Variants in CASD1 observed in about 807,000 individuals in gnomAD.
The protein encoded by CASD1 is N-acetylneuraminate (7)9-O-acetyltransferase.
Under a neutral mutation model 100.0 loss-of-function variants are expected in CASD1, and 41 were observed. The observed-to-expected ratio is 0.41, with a 90% CI of 0.32 to 0.53. The LOEUF (loss-of-function observed/expected upper bound fraction) is 0.53. Ranked by LOEUF, CASD1 falls within the 20% of genes least tolerant of loss-of-function variation. CASD1 has a pLI of 0.25. For synonymous variants in CASD1, 321 were observed against 315.6 expected (o/e 1.02, Z -0.18); for missense variants, 774 against 948.7 (o/e 0.82, Z 2.42).
chr7:94,527,092 A>C (rs1794609593), intron 3 of CASD1, 70 bp from the exon 4 acceptor site: 25 of 1,112,410 alleles, frequency 2.2e-5, no homozygotes, highest in Non-Finnish European at 3.4e-5. Flanking sequence ...AAATCAAAGC[A>C]GCTAAATGGG....
the CASD1 span, among the ~76,000 whole-genome samples, chr7:94,583,183 C>T: frequency 1.3e-5 from 2 of 152,114 alleles, no homozygotes; most frequent in African/African-American, 2.4e-5. Flanking sequence ...CAAATTTAGC[C>T]TTAATAGCTT....
At chr7:94,557,250 G>A (rs1796240388), downstream of CASD1, among the ~76,000 whole-genome samples, 1 of 151,962 alleles carries the variant, frequency 6.6e-6, no homozygotes, top group African/African-American at 2.4e-5. Context: ...TATTTATTTA[G>A]CACTGGATTT....
chr7:94,608,553 G>T, the CASD1 span, among the ~76,000 whole-genome samples: 1 of 152,112 alleles, frequency 6.6e-6, no homozygotes. Context: ...AAGTTAATTT[G>T]CAGATATTAA....
At chr7:94,626,636 T>G in the CASD1 span, 7 of 152,132 alleles carry the variant, frequency 4.6e-5, no homozygotes, top group African/African-American at 1.4e-4. Flanking sequence ...TTTATATCAT[T>G]GATGGTTTCC....
chr7:94,551,853 C>G lies in CASD1; in HGVS notation c.1956+375C>G, dbSNP rs1022731916. On this transcript the variant is annotated intron_variant, in intron 15 of 17. Transcript: ENST00000297273. ...TTTTAATTATGAATACATATTAGTT[C>G]ATATTTATGGGGCACATGTGATATT... The G allele has an allele frequency of 2.6e-5, 4 of 153,944 alleles. No homozygotes were observed. In the Admixed American group the frequency reaches 2.6e-4, roughly 10 times the overall value. 9.5% of individuals were successfully genotyped at this position (153,944 alleles called of 1,614,324 possible). A position where few individuals can be genotyped will look rare whatever the true frequency, so the allele number is the denominator to read the frequency against.
the CASD1 span, among the ~76,000 whole-genome samples, chr7:94,611,003 T>G: frequency 4.6e-5 from 7 of 152,322 alleles, no homozygotes; most frequent in East Asian, 3.9e-4. Flanking sequence ...TAATAGCTAG[T>G]GCTGGTGAAG....
At chr7:94,539,843 C>T (rs1360690010) in intron 10 of CASD1, among the ~76,000 whole-genome samples, 1 of 152,050 alleles carries the variant, frequency 6.6e-6, no homozygotes, top group Non-Finnish European at 1.5e-5. Context: ...GTTTAAAAAA[C>T]TTCCAACTCT....
At chr7:94,633,005 A>G in the CASD1 span, among the ~76,000 whole-genome samples, 3 of 152,056 alleles carry the variant, frequency 2.0e-5, no homozygotes, top group Non-Finnish European at 4.4e-5. Flanking sequence ...AGTCTTGAAA[A>G]TCAAATTTAA....
the CASD1 span, among the ~76,000 whole-genome samples, chr7:94,614,107 C>CAAAAAAAA: frequency 4.2e-5 from 4 of 94,952 alleles, no homozygotes; most frequent in Non-Finnish European, 6.0e-5. Context: ...AAATTGAAAT[C>CAAAAAAAA]AAAAAAAAAA....
At chr7:94,575,269 A>G in the CASD1 span, among the ~76,000 whole-genome samples, 3 of 152,154 alleles carry the variant, frequency 2.0e-5, no homozygotes, top group South Asian at 6.2e-4. Flanking sequence ...TTATTTTCAA[A>G]GAATTTCTTG....
chr7:94,518,772 A>C (rs1794102094), intron 3 of CASD1, among the ~76,000 whole-genome samples: 1 of 151,994 alleles, frequency 6.6e-6, no homozygotes, highest in Non-Finnish European at 1.5e-5. Flanking sequence ...AATCAACTTA[A>C]GTATCTTCTT....
chr7:94,517,193 C>T lies in CASD1; in HGVS notation c.134-367C>T, dbSNP rs144721449. On this transcript the variant is annotated intron_variant, in intron 1 of 17. Transcript: ENST00000297273. ...TGCTGGGATTACAGGTGTGAGCCAC[C>T]GTGCCTGGCCTCCCTGAAACTTTTC... is the stretch of plus-strand genomic sequence containing the variant. 1.3e-3 allele frequency among the ~76,000 whole-genome samples: 204 copies of T among 152,212 alleles called. 2 individuals are homozygous for T. In the East Asian group the frequency reaches 0.022, roughly 16 times the overall value.
intron 5 of CASD1, among the ~76,000 whole-genome samples, chr7:94,532,586 A>G (rs562183457): frequency 2.8e-4 from 42 of 152,322 alleles, no homozygotes; most frequent in African/African-American, 6.5e-4. Flanking sequence ...GGAAGTTTCT[A>G]TTATTTTCAG....
At chr7:94,568,570 A>G in the CASD1 span, among the ~76,000 whole-genome samples, 2 of 152,328 alleles carry the variant, frequency 1.3e-5, no homozygotes, top group Non-Finnish European at 2.9e-5. Flanking sequence ...ACAAAAGGCT[A>G]ATCTCCCCAA....
intron 13 of CASD1, among the ~76,000 whole-genome samples, chr7:94,547,648 T>C (rs569592221): frequency 1.3e-5 from 2 of 149,958 alleles, no homozygotes; most frequent in South Asian, 2.1e-4. Context: ...ATAAAACTTT[T>C]GGTCATTTTT....
intron 2 of CASD1, 79 bp downstream of exon 2, chr7:94,517,735 C>G (rs1794047862): frequency 1.2e-6 from 1 of 806,942 alleles, no homozygotes; most frequent in Non-Finnish European, 2.1e-6. Flanking sequence ...TGAAACAGTA[C>G]TTTTCATCTC....
chr7:94,585,819 A>G, the CASD1 span, among the ~76,000 whole-genome samples: 1 of 152,088 alleles, frequency 6.6e-6, no homozygotes, highest in East Asian at 1.9e-4. Context: ...AGGATGTATA[A>G]CTGTACCTTT....
At chr7:94,578,379 C>T in the CASD1 span, among the ~76,000 whole-genome samples, 1 of 152,134 alleles carries the variant, frequency 6.6e-6, no homozygotes, top group African/African-American at 2.4e-5. Context: ...CCACTTCCGC[C>T]TCATCAATAT....
At position 94,510,171 on chromosome 7, in the gene CASD1, C is replaced by A; in HGVS notation, c.87C>A (p.Ala29=). ...VRSAKVLALV[A]VLLLAACHLA... The stretch of plus-strand genomic sequence containing the variant: ...GCGCCAAGGTGCTGGCGCTGGTGGC[C>A]GTGCTGCTGCTCGCAGCGTGCCACC... Residue 29 remains alanine, a synonymous_variant, in exon 1 of 18, where the codon GCC becomes GCA. Coordinates refer to ENST00000297273, the MANE Select transcript of CASD1 (RefSeq NM_022900.5). 1 of 1,522,790 alleles carries A rather than the reference C, an allele frequency of 6.6e-7. No individual in the cohort carries two copies. Among genetic ancestry groups the A allele is most frequent in the East Asian group, 2.6e-5 (1 of 38,358 alleles). The allele number at this position is 1,522,790 out of a possible 1,614,324, so 94.3% of individuals were successfully genotyped here. A position where few individuals can be genotyped will look rare whatever the true frequency, so the allele number is the denominator to read the frequency against.
Sources: gnomAD v4.1 joint callset for allele counts (sites outside exome capture counted in the v4.1 genomes callset) on GRCh38, gnomAD v4.1.1 for gene constraint, MANE v1.5 for transcripts, NCBI Gene and HGNC (gene_info 2026-07-23, HGNC 2026-07-21) for gene names.